The following ZHX1 variants were observed in gnomAD, a reference collection of about 807,000 sequenced individuals.
ZHX1 encodes the protein zinc fingers and homeoboxes 1, also known as zinc fingers and homeoboxes protein 1.
ZHX1 carries 20 observed loss-of-function variants against 61.8 expected under a neutral mutation model. The ratio of observed to expected loss-of-function variants is 0.32; its 90% CI spans 0.23 to 0.47. ZHX1 has a LOEUF of 0.47. ZHX1 is among the 20% of genes least tolerant of loss of function. The pLI, the probability that ZHX1 is intolerant of heterozygous loss-of-function variation, is 1.00. For missense variants in ZHX1, 800 were observed against 1,034.8 expected (o/e 0.77, Z 3.11); for synonymous variants, 318 against 352.6 (o/e 0.90, Z 1.10).
chr8:123,254,464 T>C lies in ZHX1; in HGVS notation c.1483A>G (p.Ile495Val). ...AGGCCTGTTATTTTCATAAGTCTGATAATTTCTGAATCATGGGGAAACTGA... is the reference window on the plus strand; with the variant it reads ...AGGCCTGTTATTTTCATAAGTCTGACAATTTCTGAATCATGGGGAAACTGA... ...KNQFPHDSEI[I>V]RLMKITGLTK... Residue 495 changes from isoleucine to valine, a missense_variant, in exon 3 of 4, where the codon ATC becomes GTC. Ile to Val is a conservative substitution (Grantham distance 29). Transcript: ENST00000395571. This position sits in a 1 kb window ranked among gnomAD's most constrained non-coding sequence, Gnocchi z 4.1. 1 of 1,614,164 alleles carries C rather than the reference T, an allele frequency of 6.2e-7. No homozygotes were observed. Among genetic ancestry groups the C allele is most frequent in the Non-Finnish European group, 8.5e-7 (1 of 1,180,020 alleles).
Position 123,255,794 on chromosome 8 carries a change from C to G in ZHX1, c.153G>C (p.Glu51Asp). The G allele has an allele frequency of 6.2e-7, 1 of 1,614,074 alleles. No homozygotes were observed. The highest frequency in any genetic ancestry group is 8.5e-7 in the Non-Finnish European group (1 of 1,180,030). Residue 51 changes from glutamate to aspartate, a missense_variant, in exon 3 of 4, where the codon GAG becomes GAC. By Grantham distance (45) the Glu-to-Asp change is conservative. Coordinates refer to ENST00000395571, the MANE Select transcript of ZHX1 (RefSeq NM_007222.5). Reference protein sequence around the residue: ...TRAESISSDEEVHESVDSDNQ... With the variant: ...TRAESISSDEDVHESVDSDNQ... ...TGTCTGAATCCACAGATTCATGAACCTCTTCATCACTTGAGATACTCTCTG... is the reference window on the plus strand; with the variant it reads ...TGTCTGAATCCACAGATTCATGAACGTCTTCATCACTTGAGATACTCTCTG...
intron 1 of ZHX1, among the ~76,000 whole-genome samples, chr8:123,270,129 T>C (rs535362507): frequency 2.4e-4 from 37 of 152,266 alleles, no homozygotes; most frequent in African/African-American, 8.2e-4. Context: ...CACTCCCAAG[T>C]ATAGCCCATG....
chr8:123,271,438 C>T (rs1213651822), intron 1 of ZHX1, among the ~76,000 whole-genome samples: 1 of 152,096 alleles, frequency 6.6e-6, no homozygotes, highest in Non-Finnish European at 1.5e-5. Flanking sequence ...AGATTAAAAA[C>T]TAGGTGCTGA....
chr8:123,266,417 G>T (rs955281868), intron 2 of ZHX1, among the ~76,000 whole-genome samples: 2 of 152,122 alleles, frequency 1.3e-5, no homozygotes, highest in Non-Finnish European at 2.9e-5. Flanking sequence ...TACTTTGAAA[G>T]ATAATAGTAA....
chr8:123,253,507 C>T lies in ZHX1; in HGVS notation c.2440G>A (p.Val814Ile), dbSNP rs755120087. Residue 814 changes from valine to isoleucine, a missense_variant, in exon 3 of 4, where the codon GTC becomes ATC. Physicochemically the swap from Val to Ile is conservative, Grantham distance 29. Transcript: ENST00000395571. ...TGTCTTTCTGCAAACCACTCTCTGA[C>T]CTGCTCATAGCCCATATGTGATTTG... is the stretch of plus-strand genomic sequence containing the variant. ...VNKSHMGYEQ[V>I]REWFAERQRR... 1.2e-6 allele frequency: 2 copies of T among 1,614,200 alleles called. No homozygotes were observed. The highest frequency in any genetic ancestry group is 1.7e-6 in the Non-Finnish European group (2 of 1,180,016).
intron 2 of ZHX1, among the ~76,000 whole-genome samples, chr8:123,263,464 G>A (rs553836319): frequency 1.3e-5 from 2 of 152,230 alleles, no homozygotes; most frequent in African/African-American, 2.4e-5. Context: ...ATCAGAAAGA[G>A]TATCTACTTA....
Position 123,254,436 on chromosome 8 carries a change from G to A in ZHX1, c.1511C>T (p.Thr504Met), listed in dbSNP as rs139687816. ...AAACCATTTTTTAATCTCTCCTTTC[G>A]TCAGGCCTGTTATTTTCATAAGTCT... ...IIRLMKITGLTKGEIKKWFSD... is the reference protein window; with the variant it reads ...IIRLMKITGLMKGEIKKWFSD... Residue 504 changes from threonine (T) to methionine (M), a missense_variant, in exon 3 of 4, where the codon ACG becomes ATG. Thr to Met is a moderately conservative substitution (Grantham distance 81). Coordinates refer to ENST00000395571, the MANE Select transcript of ZHX1 (RefSeq NM_007222.5). This position sits in a 1 kb window ranked among gnomAD's most constrained non-coding sequence, Gnocchi z 4.1. 4.7e-5 allele frequency: 76 copies of A among 1,614,000 alleles called. No homozygotes were observed. Among genetic ancestry groups the A allele is most frequent in the East Asian group, 8.9e-5 (4 of 44,876 alleles).
At chr8:123,257,107 T>TG (rs1298723905) in intron 2 of ZHX1, 6 of 151,992 alleles carry the variant, frequency 3.9e-5, no homozygotes, top group Non-Finnish European at 8.8e-5. Flanking sequence ...TTAGTAGAGA[T>TG]GGGGTTTCAC....
chr8:123,258,763 G>A (rs1162132540), intron 2 of ZHX1, among the ~76,000 whole-genome samples: 3 of 151,822 alleles, frequency 2.0e-5, no homozygotes, highest in African/African-American at 4.8e-5. Context: ...AATGAATTAG[G>A]ATCATAAAAT....
At chr8:123,262,132 T>G (rs1244610020) in intron 2 of ZHX1, among the ~76,000 whole-genome samples, 1 of 152,140 alleles carries the variant, frequency 6.6e-6, no homozygotes, top group East Asian at 1.9e-4. Context: ...TAAAACACAA[T>G]TAAAATTAAG....
chr8:123,261,955 G>A (rs1826285959), intron 2 of ZHX1, among the ~76,000 whole-genome samples: 1 of 152,136 alleles, frequency 6.6e-6, no homozygotes, highest in Admixed American at 6.5e-5. Flanking sequence ...GACTGGGACA[G>A]GAAAATTGCT....
Position 123,250,142 on chromosome 8 carries a change from C to T in ZHX1, c.*182G>A, listed in dbSNP as rs775712911. ...TTCTATTTACATTGCAGAACTTCCA[C>T]CAACTGCAGTAGTTTAACTTTGGCA... On this transcript the variant is annotated 3_prime_UTR_variant, in exon 4 of 4. Transcript: ENST00000395571. 19 of 407,984 alleles carry T rather than the reference C, an allele frequency of 4.7e-5. No individual in the cohort carries two copies. The highest frequency in any genetic ancestry group is 3.4e-4 in the South Asian group (19 of 56,058). 25.3% of individuals were successfully genotyped at this position (407,984 alleles called of 1,614,324 possible).
At chr8:123,266,510 C>T (rs1826464610) in intron 2 of ZHX1, among the ~76,000 whole-genome samples, 2 of 152,138 alleles carry the variant, frequency 1.3e-5, no homozygotes, top group South Asian at 4.1e-4. Context: ...TTTATCAAAT[C>T]TTTCCTAGTA....
chr8:123,263,524 A>G (rs1321644603), intron 2 of ZHX1, among the ~76,000 whole-genome samples: 1 of 152,124 alleles, frequency 6.6e-6, no homozygotes, highest in African/African-American at 2.4e-5. Flanking sequence ...TAGGACCCCA[A>G]TAATGTTTGC....
chr8:123,254,598 G>A lies in ZHX1; in HGVS notation c.1349C>T (p.Ser450Phe). Reference sequence around the variant, plus strand: ...TGCAGTTTCATGTTTGACACTTTGAGAAGTTGGAACTGCTGCTGTTGCTGG... The same window carrying A: ...TGCAGTTTCATGTTTGACACTTTGAAAAGTTGGAACTGCTGCTGTTGCTGG... ...TKPATAAVPT[S>F]QSVKHETALV... is the part of the protein sequence containing the mutation. Residue 450 changes from serine (S) to phenylalanine (F), a missense_variant, in exon 3 of 4, where the codon TCT (serine) becomes TTT (phenylalanine). Transcript: ENST00000395571. The surrounding 1 kb of genome is among the most constrained non-coding windows in gnomAD (Gnocchi z 4.1). 6.2e-7 allele frequency: 1 copy of A among 1,614,208 alleles called. No individual in the cohort carries two copies. The highest frequency in any genetic ancestry group is 1.1e-5 in the South Asian group (1 of 91,092).
intron 2 of ZHX1, among the ~76,000 whole-genome samples, chr8:123,263,498 C>A (rs1248997338): frequency 6.6e-6 from 1 of 151,982 alleles, no homozygotes; most frequent in Non-Finnish European, 1.5e-5. Flanking sequence ...TTCCCAGGGC[C>A]CAACAAAATA....
chr8:123,259,690 T>C (rs1004258743), intron 2 of ZHX1, among the ~76,000 whole-genome samples: 1 of 152,244 alleles, frequency 6.6e-6, no homozygotes, highest in South Asian at 2.1e-4. Flanking sequence ...ACTGTTACTT[T>C]CCTGGAATCT....
chr8:123,268,255 G>A (rs1374532062), intron 1 of ZHX1, among the ~76,000 whole-genome samples: 3 of 152,194 alleles, frequency 2.0e-5, no homozygotes, highest in Non-Finnish European at 4.4e-5. Context: ...GTTTAGCCAT[G>A]TCGTTTTTGC....
rs1271998785 is a variant in ZHX1 at position 123,254,982 on chromosome 8, T to C, written c.965A>G (p.Lys322Arg). ...SEITVLSAQAKYTEEQIKIWF... is the reference protein window; with the variant it reads ...SEITVLSAQARYTEEQIKIWF... ...TATCTTGATCTGTTCCTCTGTATAT[T>C]TTGCTTGAGCAGAAAGAACTGTAAT... Residue 322 changes from lysine (K) to arginine (R), a missense_variant, in exon 3 of 4, where the codon AAA (lysine) becomes AGA (arginine). Transcript: ENST00000395571. This position sits in a 1 kb window ranked among gnomAD's most constrained non-coding sequence, Gnocchi z 4.1. 2 of 1,614,204 alleles carry C rather than the reference T, an allele frequency of 1.2e-6. No individual in the cohort carries two copies. Among genetic ancestry groups the C allele is most frequent in the Admixed American group, 3.3e-5 (2 of 60,028 alleles).
Sources: gnomAD v4.1 joint callset for allele counts (sites outside exome capture counted in the v4.1 genomes callset) on GRCh38, gnomAD v4.1.1 for gene constraint, Gnocchi (gnomAD v3.1) non-coding constraint, MANE v1.5 for transcripts, NCBI Gene and HGNC (gene_info 2026-07-23, HGNC 2026-07-21) for gene names.